ADAM22: variants seen among roughly 807,000 people sequenced by gnomAD.
ADAM22 encodes ADAM metallopeptidase domain 22, also known as disintegrin and metalloproteinase domain-containing protein 22.
A neutral mutation model predicts 144.6 loss-of-function variants in ADAM22; 65 were observed. That is an observed-to-expected ratio of 0.45 (90% confidence interval 0.37 to 0.55). ADAM22 has a LOEUF of 0.55. Among genes scored for constraint, ADAM22 ranks in the 20% least tolerant of loss-of-function variants. The probability of loss-of-function intolerance (pLI) is 0.00; values close to 1 mark genes in which losing one functional copy is unlikely to be tolerated. For synonymous variants in ADAM22, 391 were observed against 412.6 expected, an observed-to-expected ratio of 0.95 and a Z score of 0.63; for missense variants, 974 against 1,184.9, an observed-to-expected ratio of 0.82 and a Z score of 2.61.
intron 26 of ADAM22, among the ~76,000 whole-genome samples, chr7:88,172,317 C>G (rs1429771615): frequency 6.6e-6 from 1 of 151,868 alleles, no homozygotes; most frequent in East Asian, 1.9e-4. Flanking sequence ...ACTTTTCCCA[C>G]TTAAAAAGTT....
chr7:88,089,943 A>G (rs948508538), intron 4 of ADAM22: 1 of 152,124 alleles, frequency 6.6e-6, no homozygotes, highest in Admixed American at 6.6e-5. Context: ...TCCTGCTGCC[A>G]TGGTAATTGG....
At chr7:88,055,892 T>A (rs1232378440) in intron 3 of ADAM22, among the ~76,000 whole-genome samples, 2 of 152,230 alleles carry the variant, frequency 1.3e-5, no homozygotes, top group East Asian at 3.8e-4. Context: ...GTAACCAAGT[T>A]TTCTTATCTT....
chr7:88,109,744 AAC>A (rs1825522437), intron 5 of ADAM22, among the ~76,000 whole-genome samples: 1 of 151,900 alleles, frequency 6.6e-6, no homozygotes, highest in African/African-American at 2.4e-5. Context: ...AAAAAAAAAA[AAC>A]AAAACTGGGA....
Position 88,113,662 on chromosome 7 carries a change from G to GTGTA in ADAM22, c.474-921_474-920insGTAT, listed in dbSNP as rs150873751. 1.8e-3 allele frequency among the ~76,000 whole-genome samples: 191 copies of GTGTA among 106,902 alleles called. 3 individuals are homozygous for GTGTA. Among genetic ancestry groups the GTGTA allele is most frequent in the African/African-American group, 7.3e-3 (185 of 25,250 alleles). The allele number at this position is 106,902 out of a possible 152,430, so 70.1% of individuals were successfully genotyped here. On this transcript the variant is annotated intron_variant, in intron 5 of 31. Coordinates refer to ENST00000413139, the MANE Select transcript of ADAM22 (RefSeq NM_001324418.2). ...GTCATATGTATGTGTATGTGTGTGT[G>GTGTA]TATATATATATATAATATATATATT...
intron 7 of ADAM22, among the ~76,000 whole-genome samples, chr7:88,124,753 A>G (rs1425116792): frequency 6.6e-6 from 1 of 152,032 alleles, no homozygotes; most frequent in East Asian, 1.9e-4. Flanking sequence ...ATATTTGAAC[A>G]TGAAATAAAG....
intron 4 of ADAM22, among the ~76,000 whole-genome samples, chr7:88,104,965 G>A (rs548116699): frequency 6.6e-6 from 1 of 151,996 alleles, no homozygotes; most frequent in Non-Finnish European, 1.5e-5. Context: ...TTTCAAATCA[G>A]AGATTAGTGA....
At chr7:87,987,537 A>G (rs908002808) in intron 3 of ADAM22, among the ~76,000 whole-genome samples, 1 of 152,234 alleles carries the variant, frequency 6.6e-6, no homozygotes, top group Non-Finnish European at 1.5e-5. Flanking sequence ...GGTACAGCCC[A>G]ACCACAGGGA....
In ADAM22 at chr7:87,948,909, C is replaced by G. The variant is rs189923662; in HGVS notation, c.246+13723C>G. Reference sequence around the variant, plus strand: ...CACTGTGCCTGACACACAGTTGGTGCTCAGTAAATATTTATGGTCTACTTT... The same window carrying G: ...CACTGTGCCTGACACACAGTTGGTGGTCAGTAAATATTTATGGTCTACTTT... On this transcript the variant is annotated intron_variant, in intron 2 of 31. Coordinates refer to ENST00000413139, the MANE Select transcript of ADAM22 (RefSeq NM_001324418.2). Among the ~76,000 whole-genome samples, 500 of 152,290 alleles carry G rather than the reference C, an allele frequency of 3.3e-3. 2 individuals are homozygous for G. Among genetic ancestry groups the G allele is most frequent in the African/African-American group, 0.011 (451 of 41,574 alleles).
At chr7:88,002,754 T>C (rs1007491856) in intron 3 of ADAM22, among the ~76,000 whole-genome samples, 1 of 151,832 alleles carries the variant, frequency 6.6e-6, no homozygotes, top group Non-Finnish European at 1.5e-5. Context: ...TGGAGGAGAG[T>C]CATCATAGTT....
chr7:88,115,378 C>G (rs1168192838), intron 6 of ADAM22, among the ~76,000 whole-genome samples: 2 of 152,170 alleles, frequency 1.3e-5, no homozygotes, highest in East Asian at 1.9e-4. Context: ...TAACAAAATA[C>G]TGTAGACTGG....
chr7:88,067,600 G>C (rs1409034838), intron 3 of ADAM22, among the ~76,000 whole-genome samples: 1 of 152,132 alleles, frequency 6.6e-6, no homozygotes, highest in Admixed American at 6.6e-5. Flanking sequence ...TGGTAGGCCT[G>C]ACGGTGTCTA....
intron 2 of ADAM22, among the ~76,000 whole-genome samples, chr7:87,950,652 C>T (rs201987827): frequency 0.012 from 1,778 of 146,962 alleles, 15 homozygotes; most frequent in East Asian, 0.04. Context: ...GGGTATATAC[C>T]CAGTAATGGG....
intron 3 of ADAM22, among the ~76,000 whole-genome samples, chr7:87,980,257 T>A (rs560340030): frequency 9.0e-5 from 13 of 143,728 alleles, no homozygotes; most frequent in Admixed American, 2.8e-4. Flanking sequence ...TAAATGGAGG[T>A]AGCCTGGGCT....
rs1851237434 is a variant in ADAM22 at position 88,202,017 on chromosome 7, G to A, written c.*5526G>A. The A allele has an allele frequency of 6.6e-6, 1 of 152,072 alleles. No homozygotes were observed. Among genetic ancestry groups the A allele is most frequent in the Non-Finnish European group, 1.5e-5 (1 of 68,004 alleles). The allele number at this position is 152,072 out of a possible 1,614,324, so 9.4% of individuals were successfully genotyped here. On this transcript the variant is annotated 3_prime_UTR_variant, in exon 32 of 32. Transcript: ENST00000413139. ...TCTTTAAATATAGCGGTGCTAAGTTGAACAAGTAACACAATACAGAAAATG... is the reference window on the plus strand; with the variant it reads ...TCTTTAAATATAGCGGTGCTAAGTTAAACAAGTAACACAATACAGAAAATG...
At chr7:88,114,889 A>T (rs1475545614) in intron 6 of ADAM22, among the ~76,000 whole-genome samples, 1 of 152,210 alleles carries the variant, frequency 6.6e-6, no homozygotes, top group African/African-American at 2.4e-5. Context: ...AAAGTCAAAA[A>T]CATGTATGTT....
intron 3 of ADAM22, among the ~76,000 whole-genome samples, chr7:88,056,352 C>T (rs1808251639): frequency 6.6e-6 from 1 of 152,186 alleles, no homozygotes; most frequent in South Asian, 2.1e-4. Context: ...ATCTTGGATT[C>T]TTTTCACTTG....
Position 88,181,505 on chromosome 7 carries a change from G to T in ADAM22, c.2496G>T (p.Arg832Ser). Residue 832 changes from arginine (R) to serine (S), a missense_variant and splice_region_variant, in exon 28 of 32, where the codon AGG becomes AGT. Around this residue, in one of 2 missense-constraint regions of ADAM22, gnomAD observed 734 missense variants for 950.6 expected, o/e 0.77. Coordinates refer to ENST00000413139, the MANE Select transcript of ADAM22 (RefSeq NM_001324418.2). ...AATTTATCAATATTTTCAATTTCAGGTCAAATGGGCTCTCTCATTCTTGGA... is the reference window on the plus strand; with the variant it reads ...AATTTATCAATATTTTCAATTTCAGTTCAAATGGGCTCTCTCATTCTTGGA... ...ISQNISLFCSRSNGLSHSWSE... is the reference protein window; with the variant it reads ...ISQNISLFCSSSNGLSHSWSE... 2.5e-6 allele frequency: 4 copies of T among 1,612,568 alleles called. No homozygotes were observed. Among genetic ancestry groups the T allele is most frequent in the East Asian group, 4.5e-5 (2 of 44,834 alleles).
At chr7:88,002,693 C>T (rs1792860385) in intron 3 of ADAM22, among the ~76,000 whole-genome samples, 1 of 152,132 alleles carries the variant, frequency 6.6e-6, no homozygotes, top group African/African-American at 2.4e-5. Flanking sequence ...TTAATGAGGA[C>T]AGATCAGTAC....
chr7:88,185,551 A>G (rs1848102102), intron 29 of ADAM22, among the ~76,000 whole-genome samples: 1 of 152,136 alleles, frequency 6.6e-6, no homozygotes, highest in African/African-American at 2.4e-5. Context: ...TAGCCCTAGA[A>G]GTTGCTTTTT....
Sources: gnomAD v4.1 joint callset for allele counts (sites outside exome capture counted in the v4.1 genomes callset) on GRCh38, gnomAD v4.1.1 for gene constraint, gnomAD v4.1.1 regional missense constraint, MANE v1.5 for transcripts, NCBI Gene and HGNC (gene_info 2026-07-23, HGNC 2026-07-21) for gene names.